The following RAB39A variants were observed in gnomAD, a reference collection of about 807,000 sequenced individuals.
RAB39A encodes RAB39A, member RAS oncogene family, also known as ras-related protein Rab-39A.
In RAB39A, 17 loss-of-function variants were observed where a neutral mutation model predicts 20.9. The ratio of observed to expected loss-of-function variants is 0.81; its 90% CI spans 0.56 to 1.22. The LOEUF is 1.22. Among genes scored for constraint, RAB39A ranks in the 50% most tolerant of loss-of-function variants. The pLI is 0.00. For missense variants in RAB39A, 234 were observed against 270.5 expected (o/e 0.87, Z 0.95); for synonymous variants, 99 against 103.4 (o/e 0.96, Z 0.26).
intron 1 of RAB39A, among the ~76,000 whole-genome samples, chr11:107,956,051 T>C (rs1325614788): frequency 6.6e-6 from 1 of 152,144 alleles, no homozygotes; most frequent in African/African-American, 2.4e-5. Flanking sequence ...GATGTATGTA[T>C]TTCTGAATAT....
chr11:107,956,272 C>CCATT (rs1861435846), intron 1 of RAB39A, among the ~76,000 whole-genome samples: 1 of 152,214 alleles, frequency 6.6e-6, no homozygotes, highest in South Asian at 2.1e-4. Flanking sequence ...ACCAAATCAA[C>CCATT]CATTCATTCA....
intron 1 of RAB39A, among the ~76,000 whole-genome samples, chr11:107,934,945 A>G (rs1164263084): frequency 6.6e-6 from 1 of 151,678 alleles, no homozygotes; most frequent in African/African-American, 2.4e-5. Flanking sequence ...AAAAAAAAAA[A>G]AAAAAATAGA....
chr11:107,935,012 C>T (rs1861180092), intron 1 of RAB39A, among the ~76,000 whole-genome samples: 1 of 151,894 alleles, frequency 6.6e-6, no homozygotes, highest in African/African-American at 2.4e-5. Context: ...CTAACTATTA[C>T]CACTAAATCT....
At chr11:107,957,009 G>A (rs1482482824) in intron 1 of RAB39A, among the ~76,000 whole-genome samples, 1 of 152,144 alleles carries the variant, frequency 6.6e-6, no homozygotes, top group East Asian at 1.9e-4. Context: ...TAGACAGGCT[G>A]GCAGACTGTG....
intron 1 of RAB39A, among the ~76,000 whole-genome samples, chr11:107,952,041 T>C (rs559552755): frequency 3.3e-5 from 5 of 152,288 alleles, no homozygotes; most frequent in African/African-American, 1.2e-4. Context: ...TGCTGTCAAA[T>C]AATCCCTTGT....
In RAB39A at chr11:107,962,121, C is replaced by T. The variant is rs760217812; in HGVS notation, c.403C>T (p.Arg135Cys). Residue 135 changes from arginine to cysteine, a missense_variant, in exon 2 of 2, where the codon CGT becomes TGT. Physicochemically the swap from Arg to Cys is radical, Grantham distance 180 (BLOSUM62 -3). Coordinates refer to ENST00000320578, the MANE Select transcript of RAB39A (RefSeq NM_017516.3). ...ACATAAATGTGATTTAGCTTCACAACGTCAAGTTACAAGGGAAGAAGCTGA... is the reference window on the plus strand; with the variant it reads ...ACATAAATGTGATTTAGCTTCACAATGTCAAGTTACAAGGGAAGAAGCTGA... ...VGHKCDLASQ[R>C]QVTREEAEKL... 16 of 1,614,044 alleles carry T rather than the reference C, an allele frequency of 9.9e-6. 1 individual carries two copies. Among genetic ancestry groups the T allele is most frequent in the South Asian group, 9.9e-5 (9 of 91,074 alleles).
intron 1 of RAB39A, among the ~76,000 whole-genome samples, chr11:107,952,693 A>T (rs1055770602): frequency 6.6e-6 from 1 of 151,690 alleles, no homozygotes; most frequent in Non-Finnish European, 1.5e-5. Flanking sequence ...CATTCTGGCC[A>T]ATGTGGTGAA....
chr11:107,946,458 A>T (rs1311357849), intron 1 of RAB39A, among the ~76,000 whole-genome samples: 532 of 26,596 alleles, frequency 0.02, 53 homozygotes, highest in Non-Finnish European at 0.027. Context: ...ATATATATAT[A>T]TATTTTTTTT....
At chr11:107,951,615 A>ATTTT (rs4028253) in intron 1 of RAB39A, among the ~76,000 whole-genome samples, 3,934 of 105,504 alleles carry the variant, frequency 0.037, 59 homozygotes, top group East Asian at 0.064. Context: ...CCATTTTCAG[A>ATTTT]TTTTTTTTTT....
At position 107,936,268 on chromosome 11, in the gene RAB39A, C is replaced by T. The variant is rs563509027; in HGVS notation, c.227+7473C>T. On this transcript the variant is annotated intron_variant, in intron 1 of 1. Transcript: ENST00000320578. ...AATGCCTCTGACATTAGTCCCCCTCCAGCTTATTTTTATTTTTTCTTTACC... is the reference window on the plus strand; with the variant it reads ...AATGCCTCTGACATTAGTCCCCCTCTAGCTTATTTTTATTTTTTCTTTACC... Among the ~76,000 whole-genome samples the T allele has an allele frequency of 6.6e-5, 10 of 152,202 alleles. No individual in the cohort carries two copies. The South Asian group carries it at 1.7e-3, about 25-fold the overall frequency.
At chr11:107,940,737 C>A (rs1288219131) in intron 1 of RAB39A, among the ~76,000 whole-genome samples, 2 of 152,040 alleles carry the variant, frequency 1.3e-5, no homozygotes, top group East Asian at 3.9e-4. Context: ...CTTTGGGAGG[C>A]CGAGGTGGTT....
At chr11:107,947,000 G>A (rs1170666551) in intron 1 of RAB39A, among the ~76,000 whole-genome samples, 1 of 151,694 alleles carries the variant, frequency 6.6e-6, no homozygotes, top group Non-Finnish European at 1.5e-5. Flanking sequence ...CGGCCTGGGA[G>A]ACTTTGGAAA....
intron 1 of RAB39A, among the ~76,000 whole-genome samples, chr11:107,933,217 G>A (rs17107599): frequency 0.046 from 7,001 of 151,790 alleles, 184 homozygotes; most frequent in Middle Eastern, 0.15. Context: ...TTTATCTGAC[G>A]TTACCTGGCC....
At chr11:107,953,510 C>T (rs899557733) in intron 1 of RAB39A, among the ~76,000 whole-genome samples, 9 of 152,260 alleles carry the variant, frequency 5.9e-5, no homozygotes, top group Non-Finnish European at 1.2e-4. Context: ...TTTCTGCCTG[C>T]TCACCCCCTG....
At chr11:107,935,441 C>T (rs149583665) in intron 1 of RAB39A, among the ~76,000 whole-genome samples, 3,371 of 150,656 alleles carry the variant, frequency 0.022, 142 homozygotes, top group African/African-American at 0.078. Context: ...GTGGTGCGAT[C>T]TCGGCTCACT....
At position 107,962,216 on chromosome 11, in the gene RAB39A, A is replaced by G. The variant is rs1242315606; in HGVS notation, c.498A>G (p.Glu166=). The G allele has an allele frequency of 1.2e-6, 2 of 1,613,982 alleles. No individual in the cohort carries two copies. The highest frequency in any genetic ancestry group is 2.7e-5 in the African/African-American group (2 of 74,932). Residue 166 remains glutamate (E), a synonymous_variant, in exon 2 of 2, where the codon GAA becomes GAG. Coordinates refer to ENST00000320578, the MANE Select transcript of RAB39A (RefSeq NM_017516.3). ...TSAKDATNVE[E]SFTILTRDIY... ...CAAAGGATGCTACAAATGTTGAAGAATCCTTCACAATCTTGACGAGAGACA... is the reference window on the plus strand; with the variant it reads ...CAAAGGATGCTACAAATGTTGAAGAGTCCTTCACAATCTTGACGAGAGACA...
intron 1 of RAB39A, among the ~76,000 whole-genome samples, chr11:107,959,589 A>C (rs1325390108): frequency 6.6e-6 from 1 of 152,242 alleles, no homozygotes; most frequent in Non-Finnish European, 1.5e-5. Flanking sequence ...GTTTTTCAAA[A>C]ATAGCCACTT....
Position 107,950,609 on chromosome 11 carries a change from A to G in RAB39A, c.228-11337A>G, listed in dbSNP as rs1230272530. Among the ~76,000 whole-genome samples the G allele has an allele frequency of 3.9e-5, 6 of 152,224 alleles. No homozygotes were observed. The East Asian group carries it at 1.2e-3, about 29-fold the overall frequency. ...TGGCGAAACTTCGTCTCTACAAAAA[A>G]TACAAAACTTAGCTAGGCAAGGTGG... On this transcript the variant is annotated intron_variant, in intron 1 of 1. Coordinates refer to ENST00000320578, the MANE Select transcript of RAB39A (RefSeq NM_017516.3).
At position 107,962,011 on chromosome 11, in the gene RAB39A, G is replaced by A. The variant is rs1438744947; in HGVS notation, c.293G>A (p.Arg98Gln). The A allele has an allele frequency of 4.3e-6, 7 of 1,613,704 alleles. No individual in the cohort carries two copies. Among genetic ancestry groups the A allele is most frequent in the Admixed American group, 1.7e-5 (1 of 59,984 alleles). Residue 98 changes from arginine to glutamine, a missense_variant, in exon 2 of 2, where the codon CGA becomes CAA. Physicochemically the swap from Arg to Gln is conservative, Grantham distance 43. Transcript: ENST00000320578. ...TTTTTAGTATTTGACATTACTAACC[G>A]ACGATCTTTTGAACATGTGAAAGAT... ...GGFLVFDITN[R>Q]RSFEHVKDWL...
Sources: allele counts gnomAD v4.1 joint callset (sites outside exome capture counted in the v4.1 genomes callset), GRCh38; gene constraint gnomAD v4.1.1; transcripts MANE v1.5; gene names NCBI Gene and HGNC (gene_info 2026-07-23, HGNC 2026-07-21).